METTL9: variants seen among roughly 807,000 people sequenced by gnomAD.
The protein encoded by METTL9 is protein-L-histidine N-pros-methyltransferase.
Under a neutral mutation model 36.0 loss-of-function variants are expected in METTL9, and 10 were observed. The ratio of observed to expected loss-of-function variants is 0.28; its 90% CI spans 0.17 to 0.47. The LOEUF (loss-of-function observed/expected upper bound fraction) is 0.47. Ranked by LOEUF, METTL9 falls within the 20% of genes least tolerant of loss-of-function variation. The probability of loss-of-function intolerance (pLI) is 0.99; values close to 1 mark genes in which losing one functional copy is unlikely to be tolerated. For missense variants in METTL9, 246 were observed against 383.5 expected (o/e 0.64, Z 3.00); for synonymous variants, 175 against 149.7 (o/e 1.17, Z -1.23).
At chr16:21,644,413 GA>G in intron 4 of METTL9, 1 of 1,544,306 alleles carries the variant, frequency 6.5e-7, no homozygotes, top group Non-Finnish European at 9.0e-7. Context: ...GACAAAAACA[GA>G]AAGAAGCACA....
intron 4 of METTL9, 137 bp downstream of exon 4, chr16:21,625,252 T>A (rs1161595619): frequency 2.2e-6 from 2 of 924,402 alleles, no homozygotes. Flanking sequence ...AGTTAATCCA[T>A]GTAAAACACC....
chr16:21,604,208 T>C (rs1965214680), intron 1 of METTL9, among the ~76,000 whole-genome samples: 1 of 152,172 alleles, frequency 6.6e-6, no homozygotes, highest in Admixed American at 6.5e-5. Flanking sequence ...CAAAGAGACT[T>C]CAGAAAGGAT....
At chr16:21,605,257 CTTTTTTTTTTTTTTTTTTTTTTTTTT>C (rs3046231) in intron 1 of METTL9, among the ~76,000 whole-genome samples, 2,912 of 51,450 alleles carry the variant, frequency 0.057, 223 homozygotes, top group African/African-American at 0.17. Context: ...GGCTTGCCTT[CTTTTTTTTTTTTTTTTTTTTTTTTTT>C]TTTTTTTTTT....
intron 4 of METTL9, chr16:21,652,452 AGC>A (rs1157555257): frequency 3.7e-6 from 4 of 1,078,930 alleles, no homozygotes; most frequent in Non-Finnish European, 5.5e-6. Context: ...AATCTGAAGG[AGC>A]TTAAAATATA....
intron 4 of METTL9, chr16:21,627,030 A>C: frequency 1.0e-6 from 1 of 985,444 alleles, no homozygotes; most frequent in Non-Finnish European, 1.2e-6. Context: ...CTGCCTGTTG[A>C]GTCTGAGGAG....
intron 4 of METTL9, chr16:21,652,542 T>C: frequency 6.2e-7 from 1 of 1,610,916 alleles, no homozygotes; most frequent in Non-Finnish European, 8.5e-7. Context: ...CGACACAAAA[T>C]AGAATGAGAT....
upstream of METTL9, chr16:21,599,408 C>T: frequency 1.8e-6 from 2 of 1,096,006 alleles, no homozygotes; most frequent in South Asian, 3.5e-5. The surrounding 1 kb of genome is among the most constrained non-coding windows in gnomAD (Gnocchi z 4.4). Flanking sequence ...GATGCGCGCT[C>T]CCTTTGTCCC....
intron 4 of METTL9, chr16:21,641,611 TAGAA>T (rs1476077762): frequency 1.3e-6 from 2 of 1,506,022 alleles, no homozygotes; most frequent in Non-Finnish European, 1.8e-6. Flanking sequence ...AATAAATAAA[TAGAA>T]AGCCATGTTT....
intron 4 of METTL9, among the ~76,000 whole-genome samples, chr16:21,638,412 G>A (rs764464002): frequency 1.3e-5 from 2 of 152,214 alleles, no homozygotes; most frequent in African/African-American, 2.4e-5. Context: ...GGTCTTTATG[G>A]AAAGGGGTGA....
chr16:21,639,321 A>C (rs1966186856), intron 4 of METTL9, among the ~76,000 whole-genome samples: 1 of 152,190 alleles, frequency 6.6e-6, no homozygotes, highest in Non-Finnish European at 1.5e-5. Flanking sequence ...TATCTGAGGG[A>C]TTTTGTCTCC....
chr16:21,646,533 A>G (rs576779335), intron 4 of METTL9: 11 of 166,996 alleles, frequency 6.6e-5, no homozygotes, highest in South Asian at 2.9e-4. Flanking sequence ...GGTACTTTAC[A>G]CTAAATCACT....
rs139158608 is a variant in METTL9, at chr16:21,628,688, G to A, written c.751+3573G>A. ...TTTGTATTTTTTTGGTAGAGAGGGC[G>A]TCTGGCGGCGTTGTCCAGGCTGGTC... On this transcript the variant is annotated intron_variant, in intron 4 of 4. Transcript: ENST00000358154. 6.6e-4 allele frequency among the ~76,000 whole-genome samples: 101 copies of A among 152,040 alleles called. 1 individual carries two copies. The highest frequency in any genetic ancestry group is 2.2e-3 in the African/African-American group (92 of 41,468).
intron 3 of METTL9, among the ~76,000 whole-genome samples, chr16:21,619,691 C>T (rs1440792570): frequency 6.6e-6 from 1 of 151,414 alleles, no homozygotes; most frequent in Non-Finnish European, 1.5e-5. Context: ...CTGCCTTGGC[C>T]TCCCAAAGTG....
chr16:21,628,298 T>C (rs1026932551), intron 4 of METTL9, among the ~76,000 whole-genome samples: 7 of 152,116 alleles, frequency 4.6e-5, no homozygotes, highest in African/African-American at 1.4e-4. Context: ...AAATTGACCA[T>C]GATGGGAGTA....
At chr16:21,630,013 C>G (rs1406617880) in intron 4 of METTL9, among the ~76,000 whole-genome samples, 1 of 152,192 alleles carries the variant, frequency 6.6e-6, no homozygotes, top group Non-Finnish European at 1.5e-5. Flanking sequence ...CGTTTACAAA[C>G]CATTAGCTAG....
At chr16:21,641,294 A>G in intron 4 of METTL9, 2 of 335,674 alleles carry the variant, frequency 6.0e-6, no homozygotes, top group South Asian at 1.1e-4. Context: ...CAAGTTTAAA[A>G]TAGAATTTTT....
At chr16:21,629,621 C>T (rs960506770) in intron 4 of METTL9, among the ~76,000 whole-genome samples, 1 of 152,152 alleles carries the variant, frequency 6.6e-6, no homozygotes, top group Non-Finnish European at 1.5e-5. Context: ...AGCTGCAGAC[C>T]TTTGCGGTGA....
intron 4 of METTL9, chr16:21,651,822 A>C (rs1487666719): frequency 6.6e-6 from 1 of 152,194 alleles, no homozygotes; most frequent in African/African-American, 2.4e-5. Context: ...AAATAATGCT[A>C]ATTAAAATAG....
At chr16:21,637,160 T>G (rs1966120050) in intron 4 of METTL9, among the ~76,000 whole-genome samples, 1 of 152,212 alleles carries the variant, frequency 6.6e-6, no homozygotes, top group Non-Finnish European at 1.5e-5. Context: ...CCTGCTTTTA[T>G]TCCCTTATCT....
Sources: gnomAD v4.1 joint callset for allele counts (sites outside exome capture counted in the v4.1 genomes callset) on GRCh38, gnomAD v4.1.1 for gene constraint, Gnocchi (gnomAD v3.1) non-coding constraint, MANE v1.5 for transcripts, NCBI Gene and HGNC (gene_info 2026-07-23, HGNC 2026-07-21) for gene names.